Variants in EXOC4 observed in about 807,000 individuals in gnomAD.
EXOC4 encodes the protein exocyst complex component 4.
Under a neutral mutation model 107.2 loss-of-function variants are expected in EXOC4, and 71 were observed. That is an observed-to-expected ratio of 0.66 (90% CI 0.55 to 0.81). EXOC4 has a LOEUF of 0.81. Among genes scored for constraint, EXOC4 ranks in the 30% least tolerant of loss-of-function variants. The pLI is 0.00. For missense variants in EXOC4, 1,108 were observed against 1,189.6 expected (o/e 0.93, Z 1.01); for synonymous variants, 456 against 441.2 (o/e 1.03, Z -0.42).
intron 10 of EXOC4, among the ~76,000 whole-genome samples, chr7:133,736,921 A>G (rs1048443644): frequency 6.6e-6 from 1 of 152,092 alleles, no homozygotes; most frequent in African/African-American, 2.4e-5. Flanking sequence ...AGAAGAACCT[A>G]TTGTCTTGCT....
intron 7 of EXOC4, among the ~76,000 whole-genome samples, chr7:133,453,703 A>G (rs1291156901): frequency 1.3e-5 from 2 of 152,080 alleles, no homozygotes; most frequent in African/African-American, 4.8e-5. Flanking sequence ...CATGTATTAA[A>G]GAGAGTATTC....
chr7:133,439,902 T>C (rs763598704), intron 7 of EXOC4, among the ~76,000 whole-genome samples: 4 of 152,212 alleles, frequency 2.6e-5, no homozygotes, highest in African/African-American at 4.8e-5. Flanking sequence ...ACTCATTGGG[T>C]AACTCTTCCA....
Position 133,699,214 on chromosome 7 carries a change from A to G in EXOC4, c.1514+69073A>G, listed in dbSNP as rs765239446. ...TTTCCCTTTTTTGCTCCTGGAGCAA[A>G]TTGGTTTGCAGCCCCTCAGGTCCAT... is the stretch of plus-strand genomic sequence containing the variant. On this transcript the variant is annotated intron_variant, in intron 10 of 17. Coordinates refer to ENST00000253861, the MANE Select transcript of EXOC4 (RefSeq NM_021807.4). Among the ~76,000 whole-genome samples, 7 of 152,176 alleles carry G rather than the reference A, an allele frequency of 4.6e-5. No homozygotes were observed. In the East Asian group the frequency reaches 1.4e-3, roughly 29 times the overall value.
chr7:133,983,535 T>C (rs1317475375), intron 14 of EXOC4, among the ~76,000 whole-genome samples: 1 of 152,180 alleles, frequency 6.6e-6, no homozygotes, highest in African/African-American at 2.4e-5. Flanking sequence ...GTTTCACCAA[T>C]TTTAAATTGT....
intron 13 of EXOC4, among the ~76,000 whole-genome samples, chr7:133,936,817 G>A (rs922580730): frequency 4.6e-5 from 7 of 152,116 alleles, no homozygotes; most frequent in East Asian, 1.9e-4. Flanking sequence ...ATGCCGGCAC[G>A]CCTGGCTAAT....
At chr7:133,732,626 G>C (rs552600493) in intron 10 of EXOC4, 1 of 153,528 alleles carries the variant, frequency 6.5e-6, no homozygotes, top group Non-Finnish European at 1.4e-5. Flanking sequence ...TTCAAACTTG[G>C]GCTTAGCATT....
intron 14 of EXOC4, among the ~76,000 whole-genome samples, chr7:133,969,275 G>A (rs1801144879): frequency 6.6e-6 from 1 of 151,574 alleles, no homozygotes; most frequent in South Asian, 2.1e-4. Flanking sequence ...TCCTTGCATT[G>A]GGTTAGAACA....
intron 3 of EXOC4, among the ~76,000 whole-genome samples, chr7:133,293,090 T>G (rs1419187503): frequency 6.6e-6 from 1 of 152,226 alleles, no homozygotes; most frequent in South Asian, 2.1e-4. Context: ...TTTGTTAGCT[T>G]ATTTCTTTCA....
intron 14 of EXOC4, among the ~76,000 whole-genome samples, chr7:133,985,009 A>T (rs899866070): frequency 6.6e-6 from 1 of 152,202 alleles, no homozygotes; most frequent in Non-Finnish European, 1.5e-5. Context: ...GGAGGCTCAT[A>T]ATAGTATATT....
intron 7 of EXOC4, among the ~76,000 whole-genome samples, chr7:133,453,693 C>T (rs1563072012): frequency 1.3e-5 from 2 of 151,998 alleles, no homozygotes; most frequent in Non-Finnish European, 2.9e-5. Context: ...ACCTTTTAAG[C>T]ATGTATTAAA....
intron 10 of EXOC4, among the ~76,000 whole-genome samples, chr7:133,795,179 G>C (rs1289409126): frequency 1.3e-5 from 2 of 152,132 alleles, no homozygotes; most frequent in Non-Finnish European, 1.5e-5. Flanking sequence ...GGAAAAGAGA[G>C]AACAATAGTT....
chr7:133,886,638 T>C (rs1449243174), intron 11 of EXOC4, among the ~76,000 whole-genome samples: 2 of 152,204 alleles, frequency 1.3e-5, no homozygotes, highest in Non-Finnish European at 2.9e-5. Context: ...TAAGCAAATA[T>C]CAATCATTTA....
At chr7:133,712,381 G>T (rs1401120645) in intron 10 of EXOC4, among the ~76,000 whole-genome samples, 1 of 141,166 alleles carries the variant, frequency 7.1e-6, no homozygotes, top group Non-Finnish European at 1.5e-5. Context: ...AGAGGTTGCG[G>T]TGAGCTGAGA....
intron 7 of EXOC4, among the ~76,000 whole-genome samples, chr7:133,434,787 A>G (rs1173419289): frequency 6.6e-6 from 1 of 152,196 alleles, no homozygotes; most frequent in African/African-American, 2.4e-5. Context: ...GTCATAATAG[A>G]TAAATCCATA....
At chr7:133,535,758 CAT>C (rs10559572) in intron 9 of EXOC4, among the ~76,000 whole-genome samples, 9,512 of 152,234 alleles carry the variant, frequency 0.062, 1,032 homozygotes, top group African/African-American at 0.22. Flanking sequence ...ATCCTCCACA[CAT>C]GTCATTTTCT....
At chr7:133,474,774 TAGTG>T (rs1211099321) in intron 7 of EXOC4, among the ~76,000 whole-genome samples, 2 of 152,104 alleles carry the variant, frequency 1.3e-5, no homozygotes, top group East Asian at 3.9e-4. Flanking sequence ...CTATGTGTAA[TAGTG>T]AGTGGTAACA....
intron 7 of EXOC4, among the ~76,000 whole-genome samples, chr7:133,394,857 C>T (rs139979977): frequency 0.011 from 1,671 of 150,560 alleles, 33 homozygotes; most frequent in African/African-American, 0.039. Flanking sequence ...CTACCAAAAG[C>T]GCCTGACAAT....
chr7:133,556,770 G>T (rs1291856549), intron 9 of EXOC4, among the ~76,000 whole-genome samples: 4 of 152,168 alleles, frequency 2.6e-5, no homozygotes, highest in East Asian at 1.9e-4. Context: ...TGGATGACTT[G>T]CTGAAGGAGT....
intron 10 of EXOC4, among the ~76,000 whole-genome samples, chr7:133,752,901 C>T (rs138678312): frequency 9.9e-5 from 15 of 152,272 alleles, no homozygotes; most frequent in Admixed American, 5.2e-4. Flanking sequence ...AACCTTTGAC[C>T]GCTCCACTGG....
Sources: gnomAD v4.1 joint callset for allele counts (sites outside exome capture counted in the v4.1 genomes callset) on GRCh38, gnomAD v4.1.1 for gene constraint, MANE v1.5 for transcripts, NCBI Gene and HGNC (gene_info 2026-07-23, HGNC 2026-07-21) for gene names.